Variants in DAGLA observed in about 807,000 individuals in gnomAD.
DAGLA encodes the protein diacylglycerol lipase-alpha.
In DAGLA, 22 loss-of-function variants were observed where a neutral mutation model predicts 102.6. The ratio of observed to expected loss-of-function variants is 0.21; its 90% CI spans 0.15 to 0.31. The LOEUF (loss-of-function observed/expected upper bound fraction) is 0.31, where lower values mean the gene tolerates loss of function less well. DAGLA is among the 10% of genes least tolerant of loss of function. The pLI, the probability that DAGLA is intolerant of heterozygous loss-of-function variation, is 1.00. For synonymous variants in DAGLA, 578 were observed against 628.9 expected, an observed-to-expected ratio of 0.92 and a Z score of 1.21; for missense variants, 927 against 1,446.6, an observed-to-expected ratio of 0.64 and a Z score of 5.83.
chr11:61,710,873 C>G (rs1417753154), intron 1 of DAGLA, among the ~76,000 whole-genome samples: 1 of 152,216 alleles, frequency 6.6e-6, no homozygotes, highest in Admixed American at 6.5e-5. Context: ...CTCCTCATGA[C>G]TCACTCACTA....
intron 6 of DAGLA, among the ~76,000 whole-genome samples, chr11:61,727,107 C>G (rs2065334445): frequency 6.6e-6 from 1 of 152,216 alleles, no homozygotes; most frequent in African/African-American, 2.4e-5. Context: ...CAGCAGAGCC[C>G]CACGGCAAAG....
At chr11:61,698,063 AT>A (rs987106288) in intron 1 of DAGLA, among the ~76,000 whole-genome samples, 53 of 152,320 alleles carry the variant, frequency 3.5e-4, no homozygotes, top group African/African-American at 1.2e-3. Flanking sequence ...TATCACCCTT[AT>A]GTTTACATTA....
In DAGLA at chr11:61,720,700, G is replaced by A. The variant is rs746939894; in HGVS notation, c.117G>A (p.Val39=). The change falls in exon 3 of 20, where the codon GTG becomes GTA. Residue 39 remains valine (V), a synonymous_variant. Transcript: ENST00000257215. ...ACAGGTTTGTGATCCTGTCCGTGGT[G>A]CTCTTCGGCCTGGTCTATAACCCGC... ...HTTWFVILSV[V]LFGLVYNPHE... 1.9e-6 allele frequency: 3 copies of A among 1,613,840 alleles called. No individual in the cohort carries two copies. The highest frequency in any genetic ancestry group is 1.1e-5 in the South Asian group (1 of 91,070).
chr11:61,700,709 G>A (rs2065103350), intron 1 of DAGLA, among the ~76,000 whole-genome samples: 1 of 152,192 alleles, frequency 6.6e-6, no homozygotes, highest in African/African-American at 2.4e-5. Flanking sequence ...CTCCCTCCCT[G>A]CAGTCCTGCA....
intron 9 of DAGLA, among the ~76,000 whole-genome samples, chr11:61,732,866 T>G (rs541823736): frequency 6.6e-6 from 1 of 152,196 alleles, no homozygotes; most frequent in East Asian, 1.9e-4. Flanking sequence ...CTGGCAGCAG[T>G]TCTCAGCCCA....
chr11:61,739,930 C>T (rs1467694841), intron 17 of DAGLA, among the ~76,000 whole-genome samples: 1 of 152,202 alleles, frequency 6.6e-6, no homozygotes, highest in African/African-American at 2.4e-5. Context: ...CAGGGCAGCT[C>T]TCCCCACTGG....
chr11:61,740,676 C>T (rs1565265281), intron 18 of DAGLA, 84 bp downstream of exon 18: 14 of 1,535,824 alleles, frequency 9.1e-6, no homozygotes, highest in Non-Finnish European at 1.2e-5. Flanking sequence ...CAGATCACTG[C>T]CCGATTTTAC....
At chr11:61,698,060 CT>C (rs1217755604) in intron 1 of DAGLA, among the ~76,000 whole-genome samples, 2 of 152,270 alleles carry the variant, frequency 1.3e-5, no homozygotes, top group African/African-American at 4.8e-5. Flanking sequence ...CCTTATCACC[CT>C]TATGTTTACA....
chr11:61,687,164 C>T (rs573523196), intron 1 of DAGLA, among the ~76,000 whole-genome samples: 2 of 152,290 alleles, frequency 1.3e-5, no homozygotes, highest in African/African-American at 4.8e-5. Context: ...TTACGGGCGG[C>T]TTAGGGAGCT....
At chr11:61,726,180 G>C in intron 6 of DAGLA, 98 bp downstream of exon 6, 1 of 1,173,402 alleles carries the variant, frequency 8.5e-7, no homozygotes, top group Admixed American at 1.8e-5. Context: ...GGGCAGGGCT[G>C]GTGGGAAGGA....
intron 8 of DAGLA, 30 bp downstream of exon 8, chr11:61,729,038 C>G (rs1449840215): frequency 6.3e-7 from 1 of 1,587,554 alleles, no homozygotes; most frequent in Non-Finnish European, 8.7e-7. Context: ...TCACCCCACC[C>G]CGTCCCCATC....
rs1236850815 is a variant in DAGLA, at chr11:61,745,119, G to C, written c.*630G>C. 1.3e-5 allele frequency: 2 copies of C among 153,562 alleles called. No individual in the cohort carries two copies. Among genetic ancestry groups the C allele is most frequent in the African/African-American group, 2.4e-5 (1 of 41,458 alleles). The allele number at this position is 153,562 out of a possible 1,614,324, so 9.5% of individuals were successfully genotyped here. On this transcript the variant is annotated 3_prime_UTR_variant, in exon 20 of 20. Transcript: ENST00000257215. ...TGAGCAGGGCCCAAGGCAGCCAGGG[G>C]CCTGGAGGGGCCAGAGGAGGGTGGG...
Position 61,744,404 on chromosome 11 carries a change from C to T in DAGLA, c.3044C>T (p.Ala1015Val), listed in dbSNP as rs766999020. Residue 1015 changes from alanine (A) to valine (V), a missense_variant, in exon 20 of 20, where the codon GCG (alanine) becomes GTG (valine). By Grantham distance (64) the Ala-to-Val change is moderately conservative. Around this residue, in one of 4 missense-constraint regions of DAGLA, gnomAD observed 434 missense variants for 503.3 expected, o/e 0.86. Transcript: ENST00000257215. ...PTGLSSQECL[A>V]ADKIRTSTPT... is the part of the protein sequence containing the mutation. Reference sequence around the variant, plus strand: ...GGCCTCAGTAGCCAGGAATGCCTGGCGGCTGACAAGATCCGGACTTCTACC... The same window carrying T: ...GGCCTCAGTAGCCAGGAATGCCTGGTGGCTGACAAGATCCGGACTTCTACC... 13 of 1,610,674 alleles carry T rather than the reference C, an allele frequency of 8.1e-6. No homozygotes were observed. The East Asian group carries it at 1.1e-4, about 14-fold the overall frequency.
Position 61,723,429 on chromosome 11 carries a change from C to T in DAGLA, c.410-5C>T, listed in dbSNP as rs567506250. 36 of 1,610,608 alleles carry T rather than the reference C, an allele frequency of 2.2e-5. 1 individual carries two copies. Among genetic ancestry groups the T allele is most frequent in the South Asian group, 1.2e-4 (11 of 91,018 alleles). The stretch of plus-strand genomic sequence containing the variant: ...CTACCTAATGCCTCCCACTGCTGCC[C>T]GCAGGAATGGTTGTCTGCAACTGGG... On this transcript the variant is annotated splice_region_variant and splice_polypyrimidine_tract_variant and intron_variant, in intron 4 of 19. Coordinates refer to ENST00000257215, the MANE Select transcript of DAGLA (RefSeq NM_006133.3).
At chr11:61,707,339 C>T (rs2065158116) in intron 1 of DAGLA, among the ~76,000 whole-genome samples, 1 of 152,266 alleles carries the variant, frequency 6.6e-6, no homozygotes, top group Non-Finnish European at 1.5e-5. Flanking sequence ...CACTTACCTA[C>T]CCAGAACAGA....
chr11:61,692,974 G>A (rs998500206), intron 1 of DAGLA, among the ~76,000 whole-genome samples: 16 of 151,914 alleles, frequency 1.1e-4, no homozygotes, highest in Non-Finnish European at 1.6e-4. Context: ...TTTTCCTAGA[G>A]GGATCATGGG....
At chr11:61,693,136 T>C (rs1353060952) in intron 1 of DAGLA, among the ~76,000 whole-genome samples, 2 of 151,472 alleles carry the variant, frequency 1.3e-5, no homozygotes, top group Non-Finnish European at 2.9e-5. Flanking sequence ...TCTGGGACTG[T>C]AGGTGCCCGC....
At chr11:61,702,981 G>T (rs1024641115) in intron 1 of DAGLA, among the ~76,000 whole-genome samples, 18 of 152,250 alleles carry the variant, frequency 1.2e-4, no homozygotes, top group African/African-American at 3.9e-4. Flanking sequence ...TATGTGGGCA[G>T]TTCAGGATAG....
At chr11:61,736,501 C>G (rs979560139) in intron 13 of DAGLA, 151 bp downstream of exon 13, 1 of 677,634 alleles carries the variant, frequency 1.5e-6, no homozygotes, top group Non-Finnish European at 2.6e-6. Flanking sequence ...GCTCCCAACC[C>G]CTCCTCTTTT....
Sources: allele counts gnomAD v4.1 joint callset (sites outside exome capture counted in the v4.1 genomes callset), GRCh38; gene constraint gnomAD v4.1.1; regional missense constraint gnomAD v4.1.1; transcripts MANE v1.5; gene names NCBI Gene and HGNC (gene_info 2026-07-23, HGNC 2026-07-21).